The following PCDHGA1 variants were observed in gnomAD, a reference collection of about 807,000 sequenced individuals.
PCDHGA1 encodes protocadherin gamma-A1.
A neutral mutation model predicts 58.0 loss-of-function variants in PCDHGA1; 32 were observed. The observed-to-expected ratio is 0.55, with a 90% confidence interval of 0.42 to 0.74. The LOEUF is 0.74. Ranked by LOEUF, PCDHGA1 falls within the 30% of genes least tolerant of loss-of-function variation. PCDHGA1 has a pLI of 0.00. For synonymous variants in PCDHGA1, 498 were observed against 501.1 expected (o/e 0.99, Z 0.08); for missense variants, 1,205 against 1,182.3 (o/e 1.02, Z -0.28).
At position 141,418,416 on chromosome 5, in the gene PCDHGA1, C is replaced by A. The variant is rs377542164; in HGVS notation, c.2422-76391C>A. On this transcript the variant is annotated intron_variant, in intron 1 of 3. Transcript: ENST00000517417. ...TTCTCATTGGTGGAGAAAGACAATC[C>A]TGATGGTGGCAAATATCCAGAATTA... The A allele has an allele frequency of 3.7e-6, 6 of 1,613,866 alleles. No individual in the cohort carries two copies. The African/African-American group carries it at 8.0e-5, about 22-fold the overall frequency.
At chr5:141,433,004 T>G (rs368646186) in intron 1 of PCDHGA1, 48 of 1,614,028 alleles carry the variant, frequency 3.0e-5, no homozygotes, top group Non-Finnish European at 3.4e-5. Context: ...GGTGCAGGCT[T>G]TCCTGCAGAC....
At chr5:141,405,372 T>C in intron 1 of PCDHGA1, 1 of 1,601,630 alleles carries the variant, frequency 6.2e-7, no homozygotes, top group East Asian at 2.2e-5. Flanking sequence ...ACCCCTTTGG[T>C]TCCGGTGAGT....
chr5:141,343,723 A>AT (rs1757313887), intron 1 of PCDHGA1: 1 of 245,544 alleles, frequency 4.1e-6, no homozygotes, highest in African/African-American at 2.2e-5. Context: ...CAGATCTTGG[A>AT]TAATTCAAAA....
At chr5:141,429,929 T>A (rs2097253197) in intron 1 of PCDHGA1, among the ~76,000 whole-genome samples, 1 of 152,240 alleles carries the variant, frequency 6.6e-6, no homozygotes, top group African/African-American at 2.4e-5. Flanking sequence ...AATAGAATTC[T>A]GGAGTACTTC....
Position 141,336,238 on chromosome 5 carries a change from C to G in PCDHGA1, c.2421+3133C>G, listed in dbSNP as rs1182718526. On this transcript the variant is annotated intron_variant, in intron 1 of 3. Coordinates refer to ENST00000517417, the MANE Select transcript of PCDHGA1 (RefSeq NM_018912.3). Reference sequence around the variant, plus strand: ...TAACGTTAGGACTCATGTAAGAGAGCCAGGCACAATGGCACACCTATAATC... The same window carrying G: ...TAACGTTAGGACTCATGTAAGAGAGGCAGGCACAATGGCACACCTATAATC... Among the ~76,000 whole-genome samples the G allele has an allele frequency of 3.9e-5, 6 of 151,988 alleles. No individual in the cohort carries two copies. In the South Asian group the frequency reaches 1.2e-3, roughly 32 times the overall value.
chr5:141,370,617 T>C lies in PCDHGA1; in HGVS notation c.2421+37512T>C, dbSNP rs1767063471. 3 of 1,613,958 alleles carry C rather than the reference T, an allele frequency of 1.9e-6. No individual in the cohort carries two copies. The South Asian group carries it at 3.3e-5, about 18-fold the overall frequency. ...GCGGGTTATTGCAGAGAAGAAATTCTTTACCGTGAGCCCCGAAAATGGGAA... is the reference window on the plus strand; with the variant it reads ...GCGGGTTATTGCAGAGAAGAAATTCCTTACCGTGAGCCCCGAAAATGGGAA... On this transcript the variant is annotated intron_variant, in intron 1 of 3. Coordinates refer to ENST00000517417, the MANE Select transcript of PCDHGA1 (RefSeq NM_018912.3).
chr5:141,375,308 G>A (rs761294258), intron 1 of PCDHGA1: 1 of 1,613,722 alleles, frequency 6.2e-7, no homozygotes, highest in African/African-American at 1.3e-5. Flanking sequence ...GACAAATGCA[G>A]CTCTAGACCG....
chr5:141,338,126 C>T (rs1291266626), intron 1 of PCDHGA1, among the ~76,000 whole-genome samples: 1 of 152,192 alleles, frequency 6.6e-6, no homozygotes, highest in Non-Finnish European at 1.5e-5. Flanking sequence ...TCCTCCATCA[C>T]CCAGTGTTTC....
Position 141,431,041 on chromosome 5 carries a change from G to C in PCDHGA1, c.2422-63766G>C, listed in dbSNP as rs2097339173. On this transcript the variant is annotated intron_variant, in intron 1 of 3. Coordinates refer to ENST00000517417, the MANE Select transcript of PCDHGA1 (RefSeq NM_018912.3). The surrounding 1 kb of genome is among the most constrained non-coding windows in gnomAD (Gnocchi z 4.8). ...CGGCGGGCAGGATAGACCGGGAGGA[G>C]CTCTGTATGGGGGCCATCAAGTGTC... The C allele has an allele frequency of 6.2e-7, 1 of 1,614,116 alleles. No homozygotes were observed. Among genetic ancestry groups the C allele is most frequent in the Non-Finnish European group, 8.5e-7 (1 of 1,180,046 alleles).
intron 1 of PCDHGA1, among the ~76,000 whole-genome samples, chr5:141,439,341 G>A (rs1464427300): frequency 6.6e-6 from 1 of 152,166 alleles, no homozygotes; most frequent in East Asian, 1.9e-4. Context: ...AAGATTCTAA[G>A]CCTACAAATA....
chr5:141,348,198 G>C (rs570583538), intron 1 of PCDHGA1, among the ~76,000 whole-genome samples: 6 of 152,322 alleles, frequency 3.9e-5, no homozygotes, highest in Non-Finnish European at 7.3e-5. Flanking sequence ...CAAAAGAATA[G>C]ATTCCTCCCT....
Position 141,408,776 on chromosome 5 carries a change from C to T in PCDHGA1, c.2421+75671C>T, listed in dbSNP as rs748401410. 54 of 1,611,566 alleles carry T rather than the reference C, an allele frequency of 3.4e-5. No homozygotes were observed. The highest frequency in any genetic ancestry group is 4.4e-5 in the Non-Finnish European group (52 of 1,178,840). On this transcript the variant is annotated intron_variant, in intron 1 of 3. Coordinates refer to ENST00000517417, the MANE Select transcript of PCDHGA1 (RefSeq NM_018912.3). Reference sequence around the variant, plus strand: ...AGTTAATTCCGATGGTGGCAAATACCCAGAGTTATCTCTGGAGAAACTCCT... The same window carrying T: ...AGTTAATTCCGATGGTGGCAAATACTCAGAGTTATCTCTGGAGAAACTCCT...
At position 141,339,053 on chromosome 5, in the gene PCDHGA1, G is replaced by A. The variant is rs776692593; in HGVS notation, c.2421+5948G>A. On this transcript the variant is annotated intron_variant, in intron 1 of 3. Transcript: ENST00000517417. ...TTTGGCGACCCTGTGGGAGGCCAGGGCCGGGCAGATTCGCTATTCTGTGCG... is the reference window on the plus strand; with the variant it reads ...TTTGGCGACCCTGTGGGAGGCCAGGACCGGGCAGATTCGCTATTCTGTGCG... 6 of 1,611,846 alleles carry A rather than the reference G, an allele frequency of 3.7e-6. No homozygotes were observed. In the Admixed American group the frequency reaches 6.7e-5, roughly 18 times the overall value.
intron 1 of PCDHGA1, chr5:141,400,435 A>G (rs2094019562): frequency 6.2e-7 from 1 of 1,614,078 alleles, no homozygotes. Flanking sequence ...TGAGCAATTG[A>G]GTTCAGGACA....
At chr5:141,397,912 A>G in intron 1 of PCDHGA1, 2 of 686,532 alleles carry the variant, frequency 2.9e-6, no homozygotes, top group Non-Finnish European at 4.8e-6. Flanking sequence ...TTGGCGCTCC[A>G]GATCTCCTCG....
chr5:141,355,848 T>C (rs1760013605), intron 1 of PCDHGA1: 1 of 1,612,486 alleles, frequency 6.2e-7, no homozygotes, highest in Non-Finnish European at 8.5e-7. Flanking sequence ...CGGCCTTCGA[T>C]GGAGGTGACC....
In PCDHGA1 at chr5:141,511,539, C is replaced by CGAGAT; in HGVS notation, c.*366_*367insGAGAT. 3.0e-6 allele frequency: 1 copy of CGAGAT among 328,342 alleles called. No individual in the cohort carries two copies. Among genetic ancestry groups the CGAGAT allele is most frequent in the South Asian group, 3.2e-5 (1 of 31,708 alleles). 20.3% of individuals were successfully genotyped at this position (328,342 alleles called of 1,614,324 possible). On this transcript the variant is annotated 3_prime_UTR_variant, in exon 4 of 4. Transcript: ENST00000517417. ...CATCCCATGCCTCCCTCCTCCCCAC[C>CGAGAT]CCACTCCAACAGTTCCTCTTTCCCG...
rs1183407162 is a variant in PCDHGA1 at position 141,422,793 on chromosome 5, C to G, written c.2422-72014C>G. 3 of 1,614,110 alleles carry G rather than the reference C, an allele frequency of 1.9e-6. No individual in the cohort carries two copies. The South Asian group carries it at 3.3e-5, about 18-fold the overall frequency. On this transcript the variant is annotated intron_variant, in intron 1 of 3. Transcript: ENST00000517417. Reference sequence around the variant, plus strand: ...TTCTCTATGCCCTACAATCCTTCGACTATGAGCAGTTTCGAGACTTAGAAC... The same window carrying G: ...TTCTCTATGCCCTACAATCCTTCGAGTATGAGCAGTTTCGAGACTTAGAAC...
intron 3 of PCDHGA1, among the ~76,000 whole-genome samples, chr5:141,510,162 A>C (rs947806998): frequency 6.6e-6 from 1 of 151,838 alleles, no homozygotes; most frequent in Non-Finnish European, 1.5e-5. Flanking sequence ...AATCTCAGCT[A>C]CTCAGGAGGT....
Sources: gnomAD v4.1 joint callset for allele counts (sites outside exome capture counted in the v4.1 genomes callset) on GRCh38, gnomAD v4.1.1 for gene constraint, Gnocchi (gnomAD v3.1) non-coding constraint, MANE v1.5 for transcripts, NCBI Gene and HGNC (gene_info 2026-07-23, HGNC 2026-07-21) for gene names.